The following FMNL2 variants were observed in gnomAD, a reference collection of about 807,000 sequenced individuals.
FMNL2 encodes the protein formin-like protein 2.
FMNL2 carries 51 observed loss-of-function variants against 130.2 expected under a neutral mutation model. That is an observed-to-expected ratio of 0.39 (90% CI 0.31 to 0.49). The LOEUF is 0.49. FMNL2 is among the 20% of genes least tolerant of loss of function. The probability of loss-of-function intolerance (pLI) is 0.85; values close to 1 mark genes in which losing one functional copy is unlikely to be tolerated. For synonymous variants in FMNL2, 465 were observed against 467.1 expected (o/e 1.00, Z 0.06); for missense variants, 977 against 1,316.2 (o/e 0.74, Z 3.99).
At chr2:152,598,755 A>G (rs1697891394) in intron 9 of FMNL2, among the ~76,000 whole-genome samples, 1 of 152,242 alleles carries the variant, frequency 6.6e-6, no homozygotes, top group Admixed American at 6.5e-5. Flanking sequence ...TTTCTAGTAG[A>G]AATGGGGGTG....
At chr2:152,538,144 TC>T (rs1456594862) in intron 2 of FMNL2, among the ~76,000 whole-genome samples, 1 of 152,192 alleles carries the variant, frequency 6.6e-6, no homozygotes, top group Non-Finnish European at 1.5e-5. Flanking sequence ...ATTTGAAGAA[TC>T]ATCTACATGA....
intron 7 of FMNL2, among the ~76,000 whole-genome samples, chr2:152,577,255 G>A (rs1003023902): frequency 5.9e-5 from 9 of 152,078 alleles, no homozygotes; most frequent in Non-Finnish European, 1.0e-4. Flanking sequence ...GTGGCACCAG[G>A]GCTTTTGTCT....
intron 1 of FMNL2, among the ~76,000 whole-genome samples, chr2:152,434,211 CAG>C (rs1687632082): frequency 6.6e-6 from 1 of 152,146 alleles, no homozygotes; most frequent in Admixed American, 6.5e-5. Context: ...GGAAGGGAGT[CAG>C]AGAGACAAGT....
chr2:152,611,740 G>T, intron 11 of FMNL2, 135 bp downstream of exon 11: 1 of 582,194 alleles, frequency 1.7e-6, no homozygotes. Context: ...TAGTTAAAGG[G>T]AACTGAGCTG....
chr2:152,452,035 T>G (rs898801392), intron 1 of FMNL2, among the ~76,000 whole-genome samples: 5 of 152,162 alleles, frequency 3.3e-5, no homozygotes, highest in African/African-American at 1.2e-4. Flanking sequence ...ATTTCATTTC[T>G]CATGCCAGGA....
At chr2:152,479,320 T>G (rs2105222899) in intron 1 of FMNL2, among the ~76,000 whole-genome samples, 1 of 152,122 alleles carries the variant, frequency 6.6e-6, no homozygotes, top group South Asian at 2.1e-4. Context: ...TAAAAACAAG[T>G]TTTTAGGAGG....
intron 1 of FMNL2, among the ~76,000 whole-genome samples, chr2:152,388,548 CAT>C (rs1260802979): frequency 6.6e-6 from 1 of 152,206 alleles, no homozygotes; most frequent in African/African-American, 2.4e-5. Context: ...CCTCCCATGA[CAT>C]GTGGGGATTA....
intron 1 of FMNL2, among the ~76,000 whole-genome samples, chr2:152,452,466 G>A (rs577810063): frequency 5.9e-4 from 90 of 152,282 alleles, no homozygotes; most frequent in African/African-American, 2.1e-3. Flanking sequence ...AAACCACTAC[G>A]CAGTGGGTTG....
chr2:152,562,628 G>A (rs1193734669), intron 6 of FMNL2, among the ~76,000 whole-genome samples: 1 of 152,200 alleles, frequency 6.6e-6, no homozygotes, highest in Non-Finnish European at 1.5e-5. Flanking sequence ...AATATTAAGA[G>A]CAGTGTTTCA....
At chr2:152,515,162 A>G (rs958020531) in intron 1 of FMNL2, among the ~76,000 whole-genome samples, 6 of 152,176 alleles carry the variant, frequency 3.9e-5, no homozygotes, top group Non-Finnish European at 8.8e-5. Flanking sequence ...CCACACATCC[A>G]GGCTCAATGC....
At position 152,406,408 on chromosome 2, in the gene FMNL2, G is replaced by A. The variant is rs13026023; in HGVS notation, c.117+70688G>A. Among the ~76,000 whole-genome samples the A allele has an allele frequency of 9.1e-3, 1,391 of 152,232 alleles. 17 individuals carry two copies. The highest frequency in any genetic ancestry group is 0.027 in the African/African-American group (1,105 of 41,522). The stretch of plus-strand genomic sequence containing the variant: ...TTAACAGTAGAGAAAAGAATCAGAG[G>A]AAGAGGAGGAAAGAGACTGGTGTGT... On this transcript the variant is annotated intron_variant, in intron 1 of 25. Coordinates refer to ENST00000288670, the MANE Select transcript of FMNL2 (RefSeq NM_052905.4).
chr2:152,611,725 A>G, intron 11 of FMNL2, 120 bp downstream of exon 11: 2 of 629,640 alleles, frequency 3.2e-6, no homozygotes, highest in South Asian at 4.0e-5. Flanking sequence ...CAACTACTGT[A>G]GTGCTAGTTA....
chr2:152,573,317 T>G (rs1460652541), intron 6 of FMNL2, among the ~76,000 whole-genome samples: 1 of 152,184 alleles, frequency 6.6e-6, no homozygotes, highest in African/African-American at 2.4e-5. Flanking sequence ...GCTGCCAGGA[T>G]GACAGGATGT....
At chr2:152,476,062 T>A (rs1690134998) in intron 1 of FMNL2, among the ~76,000 whole-genome samples, 1 of 152,188 alleles carries the variant, frequency 6.6e-6, no homozygotes, top group African/African-American at 2.4e-5. Flanking sequence ...AGGGTGCCCC[T>A]TGATGCACTT....
intron 1 of FMNL2, among the ~76,000 whole-genome samples, chr2:152,396,139 C>A (rs1041843203): frequency 1.3e-5 from 2 of 152,288 alleles, no homozygotes; most frequent in Non-Finnish European, 1.5e-5. Flanking sequence ...ATCCCTCCCC[C>A]TCTCCTTTAT....
intron 22 of FMNL2, among the ~76,000 whole-genome samples, chr2:152,636,839 TACTC>T (rs980681150): frequency 6.6e-6 from 1 of 152,010 alleles, no homozygotes; most frequent in African/African-American, 2.4e-5. Flanking sequence ...TTCACTTCAA[TACTC>T]ACTCCAGTGT....
chr2:152,619,877 A>G (rs190498992), intron 15 of FMNL2, among the ~76,000 whole-genome samples, 159 bp downstream of exon 15: 2 of 152,202 alleles, frequency 1.3e-5, no homozygotes, highest in African/African-American at 2.4e-5. Flanking sequence ...AGGGAACATC[A>G]TCACGCATGG....
In FMNL2 at chr2:152,647,883, A is replaced by G; in HGVS notation, c.3257A>G (p.Asn1086Ser). 6.2e-7 allele frequency: 1 copy of G among 1,613,584 alleles called. No individual in the cohort carries two copies. Among genetic ancestry groups the G allele is most frequent in the Non-Finnish European group, 8.5e-7 (1 of 1,179,664 alleles). ...GATGATCAGAACTTGCGTTCTGTTAATGGTGCCGAAATAACAATGTGAACC... is the reference window on the plus strand; with the variant it reads ...GATGATCAGAACTTGCGTTCTGTTAGTGGTGCCGAAATAACAATGTGAACC... ...RFDDQNLRSV[N>S]GAEITM Residue 1086 changes from asparagine to serine, a missense_variant, in exon 26 of 26, where the codon AAT (asparagine) becomes AGT (serine). This residue lies in a region of FMNL2 where 168 missense variants were observed against 168.8 expected (regional missense o/e 1.00). Transcript: ENST00000288670.
intron 6 of FMNL2, among the ~76,000 whole-genome samples, chr2:152,574,106 A>G (rs1013217904): frequency 6.6e-6 from 1 of 152,258 alleles, no homozygotes; most frequent in Non-Finnish European, 1.5e-5. Context: ...CAGTAAATAA[A>G]AAGAAAGAAT....
Sources: allele counts gnomAD v4.1 joint callset (sites outside exome capture counted in the v4.1 genomes callset), GRCh38; gene constraint gnomAD v4.1.1; regional missense constraint gnomAD v4.1.1; transcripts MANE v1.5; gene names NCBI Gene and HGNC (gene_info 2026-07-23, HGNC 2026-07-21).